CALB1: variants seen among roughly 807,000 people sequenced by gnomAD.
CALB1 encodes the protein calbindin 1.
Under a neutral mutation model 46.7 loss-of-function variants are expected in CALB1, and 16 were observed. The ratio of observed to expected loss-of-function variants is 0.34; its 90% CI spans 0.23 to 0.52. CALB1 has a LOEUF of 0.52. Among genes scored for constraint, CALB1 ranks in the 20% least tolerant of loss-of-function variants. The pLI, the probability that CALB1 is intolerant of heterozygous loss-of-function variation, is 0.95. For missense variants in CALB1, 224 were observed against 300.3 expected (o/e 0.75, Z 1.88); for synonymous variants, 90 against 112.8 (o/e 0.80, Z 1.28).
chr8:90,063,189 A>G (rs369040739), intron 8 of CALB1, 36 bp from the exon 9 acceptor site: 2 of 1,551,104 alleles, frequency 1.3e-6, no homozygotes, highest in Non-Finnish European at 1.8e-6. Context: ...TTAAAATGTT[A>G]TTACTATGTT....
Position 90,060,235 on chromosome 8 carries a change from A to G in CALB1, c.724T>C (p.Ser242Pro). 1 of 1,613,602 alleles carries G rather than the reference A, an allele frequency of 6.2e-7. No homozygotes were observed. Among genetic ancestry groups the G allele is most frequent in the Non-Finnish European group, 8.5e-7 (1 of 1,179,532 alleles). The part of the protein sequence containing the change: ...TTYKKNIMAL[S>P]DGGKLYRTDL... ...GTTCGGTACAGCTTCCCTCCATCCG[A>G]CAAAGCCATTATGTTCTTCTTGTAT... Residue 242 changes from serine (S) to proline (P), a missense_variant, in exon 11 of 11, where the codon TCG (serine) becomes CCG (proline). By Grantham distance (74) the Ser-to-Pro change is moderately conservative. Transcript: ENST00000265431.
intron 5 of CALB1, among the ~76,000 whole-genome samples, chr8:90,067,666 T>C (rs2130231632): frequency 6.6e-6 from 1 of 152,320 alleles, no homozygotes; most frequent in Middle Eastern, 3.4e-3. Context: ...TCAAACTATG[T>C]TGAATTATGA....
Position 90,069,256 on chromosome 8 carries a change from G to A in CALB1, c.232-19C>T, listed in dbSNP as rs147527611. 1.8e-3 allele frequency: 2,921 copies of A among 1,595,230 alleles called. 17 individuals are homozygous for A. The highest frequency in any genetic ancestry group is 1.5e-3 in the Non-Finnish European group (1,777 of 1,163,144). On this transcript the variant is annotated intron_variant, in intron 3 of 10. Transcript: ENST00000265431. Reference sequence around the variant, plus strand: ...GAGCCAACTGGAAAAGATTTAAGAAGAGAGAAACGTGTTGTAAGTTGCTCA... The same window carrying A: ...GAGCCAACTGGAAAAGATTTAAGAAAAGAGAAACGTGTTGTAAGTTGCTCA...
chr8:90,075,619 C>T (rs1814609645), intron 3 of CALB1, among the ~76,000 whole-genome samples: 1 of 152,134 alleles, frequency 6.6e-6, no homozygotes, highest in Non-Finnish European at 1.5e-5. Flanking sequence ...TTTCTGGTTA[C>T]AGTAGAGAGC....
rs561236064 is a variant in CALB1, at chr8:90,058,900, C to A, written c.*1273G>T. On this transcript the variant is annotated 3_prime_UTR_variant, in exon 11 of 11. Coordinates refer to ENST00000265431, the MANE Select transcript of CALB1 (RefSeq NM_004929.4). ...AGTAACTGTAAATTTCACATGGACA[C>A]ATCTCTCATAGCTCCCTGTTTCACA... is the stretch of plus-strand genomic sequence containing the variant. 1.3e-5 allele frequency: 2 copies of A among 152,302 alleles called. No individual in the cohort carries two copies. The highest frequency in any genetic ancestry group is 2.9e-5 in the Non-Finnish European group (2 of 68,012). 9.4% of individuals were successfully genotyped at this position (152,302 alleles called of 1,614,324 possible). A position where few individuals can be genotyped will look rare whatever the true frequency, so the allele number is the denominator to read the frequency against.
Position 90,059,892 on chromosome 8 carries a change from G to A in CALB1, c.*281C>T. On this transcript the variant is annotated 3_prime_UTR_variant, in exon 11 of 11. Transcript: ENST00000265431. ...CTGGTGGAATTTTTAGGGAAATCTT[G>A]TTCAACTATATTTGTGAAAGCAAGA... The A allele has an allele frequency of 1.0e-5, 3 of 296,860 alleles. No homozygotes were observed. Among genetic ancestry groups the A allele is most frequent in the Non-Finnish European group, 1.9e-5 (3 of 160,676 alleles). 18.4% of individuals were successfully genotyped at this position (296,860 alleles called of 1,614,324 possible). A position where few individuals can be genotyped will look rare whatever the true frequency, so the allele number is the denominator to read the frequency against.
At chr8:90,081,614 G>T in intron 2 of CALB1, 1 of 232,822 alleles carries the variant, frequency 4.3e-6, no homozygotes, top group Non-Finnish European at 7.1e-6. Context: ...CAGTGGTAGA[G>T]GTGGTGATCC....
intron 2 of CALB1, among the ~76,000 whole-genome samples, chr8:90,079,173 C>T (rs1360557627): frequency 6.6e-6 from 1 of 151,850 alleles, no homozygotes; most frequent in African/African-American, 2.4e-5. Flanking sequence ...TTCTATTCTA[C>T]GTCCTTGGGA....
chr8:90,076,517 CTT>C (rs1173765685), intron 3 of CALB1, among the ~76,000 whole-genome samples: 3 of 151,928 alleles, frequency 2.0e-5, no homozygotes, highest in Non-Finnish European at 4.4e-5. Context: ...TTTGAAAACA[CTT>C]TGTCAATTTT....
At chr8:90,066,127 G>A in intron 5 of CALB1, 152 bp from the exon 6 acceptor site, 2 of 603,740 alleles carry the variant, frequency 3.3e-6, no homozygotes, top group Non-Finnish European at 5.9e-6. Flanking sequence ...TATAATAGAA[G>A]AAAGACTAAA....
chr8:90,077,619 A>T (rs1405739660), intron 3 of CALB1, among the ~76,000 whole-genome samples: 1 of 152,058 alleles, frequency 6.6e-6, no homozygotes, highest in Admixed American at 6.6e-5. Context: ...CTGGAAACGT[A>T]GATATAAGGG....
chr8:90,078,304 C>T, intron 3 of CALB1, 69 bp downstream of exon 3: 1 of 955,186 alleles, frequency 1.0e-6, no homozygotes, highest in Non-Finnish European at 1.7e-6. Context: ...TCTTACTTGA[C>T]TTGAAGACAA....
At chr8:90,082,463 C>A (rs1161823496) in intron 1 of CALB1, 156 bp downstream of exon 1, 2 of 670,112 alleles carry the variant, frequency 3.0e-6, no homozygotes, top group Admixed American at 2.6e-5. Flanking sequence ...AGTTTGGCGG[C>A]CAGTCGGGGA....
chr8:90,062,622 A>C (rs1055278351), intron 9 of CALB1: 1 of 152,144 alleles, frequency 6.6e-6, no homozygotes, highest in South Asian at 2.1e-4. Context: ...AAAAATTAAC[A>C]ATAAGATATC....
At chr8:90,076,891 A>C (rs1814631690) in intron 3 of CALB1, among the ~76,000 whole-genome samples, 1 of 152,014 alleles carries the variant, frequency 6.6e-6, no homozygotes, top group African/African-American at 2.4e-5. Context: ...AATCAGATCA[A>C]TGCCTTTTAC....
intron 3 of CALB1, among the ~76,000 whole-genome samples, chr8:90,070,056 G>A: frequency 6.6e-6 from 1 of 151,720 alleles, no homozygotes; most frequent in East Asian, 1.9e-4. Flanking sequence ...GAAGGAGCTG[G>A]ATTGATGGCT....
At chr8:90,070,837 A>AGAGT (rs1554578974) in intron 3 of CALB1, among the ~76,000 whole-genome samples, 4 of 121,624 alleles carry the variant, frequency 3.3e-5, no homozygotes, top group African/African-American at 1.2e-4. Flanking sequence ...GCATCATTGC[A>AGAGT]GTGTGTGTGT....
chr8:90,078,578 T>C, intron 2 of CALB1, 131 bp from the exon 3 acceptor site: 1 of 577,470 alleles, frequency 1.7e-6, no homozygotes, highest in Non-Finnish European at 3.1e-6. Context: ...TGATTAACTA[T>C]TCTCAAAAAA....
rs1329111112 is a variant in CALB1 at position 90,069,057 on chromosome 8, G to A, written c.316-3C>T. On this transcript the variant is annotated splice_polypyrimidine_tract_variant and splice_region_variant and intron_variant, in intron 4 of 10. Coordinates refer to ENST00000265431, the MANE Select transcript of CALB1 (RefSeq NM_004929.4). ...TCAGTATCATATTTTCTCCATGTCTGTAAGTAATTTTGGATAAGGAAAACA... is the reference window on the plus strand; with the variant it reads ...TCAGTATCATATTTTCTCCATGTCTATAAGTAATTTTGGATAAGGAAAACA... 6.2e-7 allele frequency: 1 copy of A among 1,612,862 alleles called. No individual in the cohort carries two copies. Among genetic ancestry groups the A allele is most frequent in the Admixed American group, 1.7e-5 (1 of 59,978 alleles).
Sources: allele counts gnomAD v4.1 joint callset (sites outside exome capture counted in the v4.1 genomes callset), GRCh38; gene constraint gnomAD v4.1.1; transcripts MANE v1.5; gene names NCBI Gene and HGNC (gene_info 2026-07-23, HGNC 2026-07-21).